MAF: variants seen among roughly 807,000 people sequenced by gnomAD.
MAF encodes transcription factor Maf.
A neutral mutation model predicts 22.0 loss-of-function variants in MAF; 10 were observed. That is an observed-to-expected ratio of 0.45 (90% confidence interval 0.28 to 0.77). The LOEUF (loss-of-function observed/expected upper bound fraction) is 0.77, where lower values mean the gene tolerates loss of function less well. Ranked by LOEUF, MAF falls within the 30% of genes least tolerant of loss-of-function variation. The pLI is 0.12. For synonymous variants in MAF, 337 were observed against 255.8 expected (o/e 1.32, Z -3.03); for missense variants, 544 against 548.4 (o/e 0.99, Z 0.08).
At chr16:79,265,261 G>A in the MAF span, among the ~76,000 whole-genome samples, 1 of 152,100 alleles carries the variant, frequency 6.6e-6, no homozygotes, top group Non-Finnish European at 1.5e-5. Context: ...AAAAAGTCAT[G>A]GTGTAAAGAC....
At chr16:79,484,791 G>A in the MAF span, among the ~76,000 whole-genome samples, 14 of 152,338 alleles carry the variant, frequency 9.2e-5, no homozygotes, top group East Asian at 2.7e-3. Flanking sequence ...TGACATGTGT[G>A]CATGTGCACG....
the MAF span, among the ~76,000 whole-genome samples, chr16:79,325,953 A>G: frequency 3.3e-5 from 5 of 152,334 alleles, no homozygotes; most frequent in South Asian, 4.1e-4. Flanking sequence ...CTGATACTCC[A>G]TAACATTGAA....
the MAF span, among the ~76,000 whole-genome samples, chr16:79,302,260 C>T: frequency 6.6e-6 from 1 of 152,252 alleles, no homozygotes; most frequent in African/African-American, 2.4e-5. Context: ...GACACAAAGA[C>T]ACTGGATTAC....
At chr16:79,293,698 A>G in the MAF span, among the ~76,000 whole-genome samples, 1 of 152,134 alleles carries the variant, frequency 6.6e-6, no homozygotes, top group Non-Finnish European at 1.5e-5. Flanking sequence ...GTTGGTGTTC[A>G]CCTAGTAGAA....
At chr16:79,431,343 A>G in the MAF span, among the ~76,000 whole-genome samples, 3 of 152,210 alleles carry the variant, frequency 2.0e-5, no homozygotes, top group Admixed American at 6.5e-5. Flanking sequence ...TCTGGATTTG[A>G]ATTCCACTTA....
the MAF span, among the ~76,000 whole-genome samples, chr16:79,281,842 C>A: frequency 6.6e-6 from 1 of 152,078 alleles, no homozygotes; most frequent in African/African-American, 2.4e-5. Context: ...ATCCTTTACG[C>A]CTACAGCACA....
the MAF span, among the ~76,000 whole-genome samples, chr16:79,512,847 G>A: frequency 6.6e-6 from 1 of 152,294 alleles, no homozygotes; most frequent in Admixed American, 6.5e-5. Flanking sequence ...CAGAGCCCAG[G>A]GCCGTGGGCA....
chr16:79,496,917 C>T, the MAF span, among the ~76,000 whole-genome samples: 2 of 152,190 alleles, frequency 1.3e-5, no homozygotes, highest in African/African-American at 4.8e-5. Flanking sequence ...ATTTAAGGTT[C>T]TACACAGTAG....
chr16:79,428,898 C>T, the MAF span, among the ~76,000 whole-genome samples: 1 of 148,986 alleles, frequency 6.7e-6, no homozygotes, highest in East Asian at 2.1e-4. Flanking sequence ...GAGGACCATC[C>T]TTGAGGTTAC....
chr16:79,543,862 A>G, the MAF span, among the ~76,000 whole-genome samples: 3 of 151,592 alleles, frequency 2.0e-5, no homozygotes, highest in South Asian at 4.2e-4. Flanking sequence ...AATTTTTTAT[A>G]TTTTTAGCAG....
At position 79,593,936 on chromosome 16, in the gene MAF, T is replaced by C. The variant is rs752222669; in HGVS notation, c.*524A>G. 4.8e-6 allele frequency: 1 copy of C among 207,742 alleles called. No individual in the cohort carries two copies. Among genetic ancestry groups the C allele is most frequent in the Non-Finnish European group, 9.9e-6 (1 of 101,446 alleles). 12.9% of individuals were successfully genotyped at this position (207,742 alleles called of 1,614,324 possible). On this transcript the variant is annotated 3_prime_UTR_variant, in exon 2 of 2. Transcript: ENST00000326043. The stretch of plus-strand genomic sequence containing the variant: ...GACATCACTGATAAATGCAACACCG[T>C]CTAGGGCCTACGAGAAAACCAGGGG...
At chr16:79,597,614 A>G in intron 1 of MAF, 1 of 1,022,396 alleles carries the variant, frequency 9.8e-7, no homozygotes, top group Non-Finnish European at 1.2e-6. Flanking sequence ...GCAGTTTTGG[A>G]GCAGATGCAA....
chr16:79,390,157 G>A, the MAF span, among the ~76,000 whole-genome samples: 2 of 151,978 alleles, frequency 1.3e-5, no homozygotes, highest in Non-Finnish European at 2.9e-5. Flanking sequence ...AACATCGTGG[G>A]AGCTGAAGCA....
chr16:79,422,839 C>T, the MAF span, among the ~76,000 whole-genome samples: 1 of 152,070 alleles, frequency 6.6e-6, no homozygotes. Flanking sequence ...CTTATGAACA[C>T]TCAGCATATA....
chr16:79,203,591 A>G, the MAF span: 1 of 151,872 alleles, frequency 6.6e-6, no homozygotes, highest in Non-Finnish European at 1.5e-5. Context: ...TTAAAATCTA[A>G]ACAAACAGCT....
chr16:79,283,825 G>A, the MAF span, among the ~76,000 whole-genome samples: 2 of 152,086 alleles, frequency 1.3e-5, no homozygotes, highest in East Asian at 3.9e-4. Flanking sequence ...TTGGGCAGAT[G>A]CACCTGAACT....
At chr16:79,243,251 G>A in the MAF span, among the ~76,000 whole-genome samples, 1 of 151,806 alleles carries the variant, frequency 6.6e-6, no homozygotes, top group Non-Finnish European at 1.5e-5. Context: ...AAAAAAATCC[G>A]TGAATCCAGA....
the MAF span, chr16:79,212,185 G>A: frequency 6.8e-6 from 10 of 1,471,152 alleles, no homozygotes; most frequent in East Asian, 2.5e-5. Context: ...GCAGCCGGGG[G>A]CTGGCCTTCT....
At chr16:79,380,592 T>C in the MAF span, among the ~76,000 whole-genome samples, 2 of 152,246 alleles carry the variant, frequency 1.3e-5, no homozygotes, top group Admixed American at 1.3e-4. Flanking sequence ...TCCATTATCA[T>C]GGTTTGTGAT....
Sources: gnomAD v4.1 joint callset for allele counts (sites outside exome capture counted in the v4.1 genomes callset) on GRCh38, gnomAD v4.1.1 for gene constraint, MANE v1.5 for transcripts, NCBI Gene and HGNC (gene_info 2026-07-23, HGNC 2026-07-21) for gene names.